Variants in PTPRG observed in about 807,000 individuals in gnomAD.
The protein encoded by PTPRG is protein tyrosine phosphatase receptor type G.
In PTPRG, 102 loss-of-function variants were observed where a neutral mutation model predicts 165.3. The ratio of observed to expected loss-of-function variants is 0.62; its 90% CI spans 0.53 to 0.73. The LOEUF (loss-of-function observed/expected upper bound fraction) is 0.73, where lower values mean the gene tolerates loss of function less well. Among genes scored for constraint, PTPRG ranks in the 30% least tolerant of loss-of-function variants. The pLI is 0.00. For synonymous variants in PTPRG, 675 were observed against 669.5 expected (o/e 1.01, Z -0.13); for missense variants, 1,866 against 1,861.4 (o/e 1.00, Z -0.05).
rs1401032703 is a variant in PTPRG at position 61,950,317 on chromosome 3, C to T, written c.191-39308C>T. On this transcript the variant is annotated intron_variant, in intron 2 of 29. Transcript: ENST00000474889. ...AGTTTTGCTTATACCTGTGTTATGA[C>T]ACCTATGCCTCCAAATTGTCTTTTT... Among the ~76,000 whole-genome samples the T allele has an allele frequency of 9.2e-5, 14 of 152,236 alleles. No homozygotes were observed. In the South Asian group the frequency reaches 2.5e-3, roughly 27 times the overall value.
chr3:61,687,365 A>G (rs533426864), intron 1 of PTPRG, among the ~76,000 whole-genome samples: 1 of 152,298 alleles, frequency 6.6e-6, no homozygotes, highest in East Asian at 1.9e-4. Context: ...GTTCAGGGTA[A>G]TAGCCAGCAT....
At chr3:62,074,939 G>A (rs577874911) in intron 4 of PTPRG, among the ~76,000 whole-genome samples, 6 of 152,006 alleles carry the variant, frequency 3.9e-5, no homozygotes, top group African/African-American at 9.7e-5. Context: ...TTCAATTCAC[G>A]CATGTCCAAT....
chr3:61,708,612 G>A (rs113125563), intron 1 of PTPRG, among the ~76,000 whole-genome samples: 2,020 of 151,528 alleles, frequency 0.013, 45 homozygotes, highest in African/African-American at 0.045. Context: ...CTGCCACCAC[G>A]CCCAGCTAAT....
chr3:61,844,751 C>T (rs1395279637), intron 2 of PTPRG, among the ~76,000 whole-genome samples: 1 of 151,902 alleles, frequency 6.6e-6, no homozygotes, highest in African/African-American at 2.4e-5. Flanking sequence ...AGTCCTACCG[C>T]CTTGGTCTCC....
At chr3:62,049,316 G>A (rs1700398013) in intron 4 of PTPRG, among the ~76,000 whole-genome samples, 1 of 152,136 alleles carries the variant, frequency 6.6e-6, no homozygotes, top group African/African-American at 2.4e-5. Context: ...GTTTCTAGGA[G>A]TCTCCATTTT....
In PTPRG at chr3:61,802,476, T is replaced by C. The variant is rs368579808; in HGVS notation, c.190+53494T>C. ...TTTGTTTAACATTAATACAATGTGC[T>C]ACAGGGGAAGTGTTGTCAAACAGTT... On this transcript the variant is annotated intron_variant, in intron 2 of 29. Transcript: ENST00000474889. 2.0e-5 allele frequency among the ~76,000 whole-genome samples: 3 copies of C among 152,238 alleles called. No homozygotes were observed. The East Asian group carries it at 5.8e-4, about 29-fold the overall frequency.
At chr3:61,654,180 G>T (rs757359741) in intron 1 of PTPRG, among the ~76,000 whole-genome samples, 38 of 152,226 alleles carry the variant, frequency 2.5e-4, no homozygotes, top group Non-Finnish European at 4.4e-4. Flanking sequence ...TGGGATGTGG[G>T]AGTCATTCAA....
At chr3:62,178,055 G>A (rs1445969510) in intron 8 of PTPRG, among the ~76,000 whole-genome samples, 1 of 64,816 alleles carries the variant, frequency 1.5e-5, no homozygotes, top group African/African-American at 5.9e-5. Flanking sequence ...GGGTGGGTGG[G>A]TGGATGGATG....
intron 2 of PTPRG, among the ~76,000 whole-genome samples, chr3:61,788,992 A>G (rs2034792623): frequency 6.6e-6 from 1 of 152,106 alleles, no homozygotes; most frequent in Admixed American, 6.6e-5. Context: ...GTCTTTTCTC[A>G]TGTTTAGGTG....
At chr3:62,277,807 T>C (rs528864769) in intron 26 of PTPRG, 128 bp downstream of exon 26, 2 of 1,168,560 alleles carry the variant, frequency 1.7e-6, no homozygotes, top group Non-Finnish European at 2.4e-6. Context: ...TTTTAAATTC[T>C]CATCTTGAAG....
intron 1 of PTPRG, among the ~76,000 whole-genome samples, chr3:61,709,764 G>C (rs1395551322): frequency 6.6e-6 from 1 of 152,128 alleles, no homozygotes; most frequent in Admixed American, 6.5e-5. Context: ...AGACTGAAAA[G>C]AAGCCTTTTC....
At chr3:61,940,570 T>C (rs2039596030) in intron 2 of PTPRG, among the ~76,000 whole-genome samples, 1 of 152,242 alleles carries the variant, frequency 6.6e-6, no homozygotes, top group Admixed American at 6.5e-5. Flanking sequence ...TTTCTTGTTT[T>C]GTTCTCTTGG....
At chr3:61,614,737 A>C (rs1263108442) in intron 1 of PTPRG, among the ~76,000 whole-genome samples, 7 of 152,178 alleles carry the variant, frequency 4.6e-5, no homozygotes, top group Admixed American at 4.6e-4. Flanking sequence ...TAATAATTCT[A>C]ATTAGGTTTT....
Position 61,883,775 on chromosome 3 carries a change from A to G in PTPRG, c.191-105850A>G, listed in dbSNP as rs1534808. 8.1e-3 allele frequency among the ~76,000 whole-genome samples: 1,240 copies of G among 152,296 alleles called. 13 individuals are homozygous for G. Among genetic ancestry groups the G allele is most frequent in the African/African-American group, 0.027 (1,142 of 41,572 alleles). ...CCCAGGCTGGTAGTGCAGTGGCACA[A>G]TCACAGCGCACTGTAGCCCCTACCT... On this transcript the variant is annotated intron_variant, in intron 2 of 29. Transcript: ENST00000474889.
At chr3:62,141,159 G>A (rs1345591061) in intron 6 of PTPRG, among the ~76,000 whole-genome samples, 4 of 152,060 alleles carry the variant, frequency 2.6e-5, no homozygotes, top group Admixed American at 6.5e-5. Flanking sequence ...TCAAGTGTTG[G>A]CAAGGATATG....
intron 4 of PTPRG, among the ~76,000 whole-genome samples, chr3:62,046,057 A>G (rs572244248): frequency 1.2e-4 from 19 of 152,180 alleles, no homozygotes; most frequent in South Asian, 6.2e-4. Context: ...ACAAAGCACC[A>G]TTCCCCTCTC....
chr3:62,110,132 C>T (rs1291929228), intron 5 of PTPRG, among the ~76,000 whole-genome samples: 2 of 128,988 alleles, frequency 1.6e-5, no homozygotes, highest in African/African-American at 2.9e-5. Context: ...TTTCCTGTAC[C>T]CCTTAGAGAC....
chr3:62,289,938 G>A (rs7621740), intron 28 of PTPRG, among the ~76,000 whole-genome samples: 69,917 of 151,786 alleles, frequency 0.46, 16,642 homozygotes, highest in African/African-American at 0.53. Context: ...AAGAGGGAAA[G>A]TTCGCATTAT....
intron 2 of PTPRG, among the ~76,000 whole-genome samples, chr3:61,839,966 A>G (rs889352288): frequency 6.6e-6 from 1 of 152,162 alleles, no homozygotes; most frequent in African/African-American, 2.4e-5. Context: ...TTTTTCCTCC[A>G]AAAAAGCTGC....
Sources: allele counts gnomAD v4.1 joint callset (sites outside exome capture counted in the v4.1 genomes callset), GRCh38; gene constraint gnomAD v4.1.1; transcripts MANE v1.5; gene names NCBI Gene and HGNC (gene_info 2026-07-23, HGNC 2026-07-21).